Variants in MAD1L1 observed in about 807,000 individuals in gnomAD.
The protein encoded by MAD1L1 is mitotic spindle assembly checkpoint protein MAD1.
A neutral mutation model predicts 96.9 loss-of-function variants in MAD1L1; 95 were observed. That is an observed-to-expected ratio of 0.98 (90% CI 0.83 to 1.16). The LOEUF is 1.16. MAD1L1 is among the 50% of genes most tolerant of loss of function. The probability of loss-of-function intolerance (pLI) is 0.00; values close to 1 mark genes in which losing one functional copy is unlikely to be tolerated. For missense variants in MAD1L1, 1,007 were observed against 954.4 expected, an observed-to-expected ratio of 1.06 and a Z score of -0.73; for synonymous variants, 473 against 396.6, an observed-to-expected ratio of 1.19 and a Z score of -2.29.
At chr7:1,918,690 C>G (rs1432360419) in intron 17 of MAD1L1, among the ~76,000 whole-genome samples, 2 of 152,246 alleles carry the variant, frequency 1.3e-5, no homozygotes, top group African/African-American at 4.8e-5. Context: ...AACACCAACA[C>G]CAAAGAACAG....
At chr7:1,882,504 G>A (rs560548435) in intron 18 of MAD1L1, among the ~76,000 whole-genome samples, 16 of 152,336 alleles carry the variant, frequency 1.1e-4, no homozygotes, top group South Asian at 1.0e-3. Context: ...CGCGCGGGCC[G>A]TGTTTGACGT....
At chr7:1,919,253 G>A (rs1268436774) in intron 17 of MAD1L1, among the ~76,000 whole-genome samples, 1 of 152,250 alleles carries the variant, frequency 6.6e-6, no homozygotes, top group African/African-American at 2.4e-5. Context: ...ACGACGTGGA[G>A]CAGGACCTCC....
intron 11 of MAD1L1, among the ~76,000 whole-genome samples, chr7:2,120,580 T>G (rs1787929199): frequency 6.6e-6 from 1 of 152,132 alleles, no homozygotes; most frequent in South Asian, 2.1e-4. Flanking sequence ...CCCCCACGGG[T>G]CTGACTCTTG....
intron 3 of MAD1L1, among the ~76,000 whole-genome samples, chr7:2,227,115 G>A (rs1793942455): frequency 1.3e-5 from 2 of 152,060 alleles, no homozygotes. Flanking sequence ...CCAACATGGT[G>A]AAACCCTGTC....
intron 18 of MAD1L1, among the ~76,000 whole-genome samples, chr7:1,843,000 T>G (rs1346941371): frequency 6.6e-6 from 1 of 152,250 alleles, no homozygotes. Flanking sequence ...CTGCTGGTAC[T>G]GAAATGGCAT....
At chr7:2,215,145 G>A (rs1262828000) in intron 9 of MAD1L1, among the ~76,000 whole-genome samples, 1 of 152,184 alleles carries the variant, frequency 6.6e-6, no homozygotes, top group Non-Finnish European at 1.5e-5. Flanking sequence ...TTGGGAGGCT[G>A]AGGAGGGTGG....
At chr7:2,170,169 G>A (rs1391857125) in intron 10 of MAD1L1, among the ~76,000 whole-genome samples, 1 of 152,160 alleles carries the variant, frequency 6.6e-6, no homozygotes, top group Non-Finnish European at 1.5e-5. Context: ...GGCTTTGGCA[G>A]CCACGTGAAG....
At chr7:2,185,823 A>C (rs1024600759) in intron 10 of MAD1L1, among the ~76,000 whole-genome samples, 2 of 152,180 alleles carry the variant, frequency 1.3e-5, no homozygotes, top group East Asian at 3.8e-4. Context: ...TTGTCATCTA[A>C]GCCACCGGAC....
intron 11 of MAD1L1, among the ~76,000 whole-genome samples, chr7:2,123,441 G>A (rs1263171027): frequency 2.6e-5 from 4 of 152,172 alleles, no homozygotes; most frequent in East Asian, 1.9e-4. Context: ...GAGAGAGGGC[G>A]CTGGTGAGGC....
chr7:2,216,341 G>A, intron 7 of MAD1L1, 54 bp from the exon 8 acceptor site: 1 of 1,576,376 alleles, frequency 6.3e-7, no homozygotes, highest in Non-Finnish European at 8.6e-7. Flanking sequence ...GAAGAGACCT[G>A]GAGAAAATCA....
chr7:1,891,862 C>T (rs1786560000), intron 18 of MAD1L1, among the ~76,000 whole-genome samples: 1 of 152,196 alleles, frequency 6.6e-6, no homozygotes, highest in Admixed American at 6.5e-5. Context: ...ATTATAGGCA[C>T]AGGCCACTGT....
intron 11 of MAD1L1, among the ~76,000 whole-genome samples, chr7:2,116,575 G>A (rs867752055): frequency 5.3e-5 from 8 of 151,356 alleles, no homozygotes; most frequent in South Asian, 4.2e-4. Flanking sequence ...GTTGGGGGGG[G>A]GGGGGGCTCC....
chr7:2,009,166 C>T (rs921259006), intron 13 of MAD1L1, among the ~76,000 whole-genome samples: 4 of 152,024 alleles, frequency 2.6e-5, no homozygotes, highest in Non-Finnish European at 5.9e-5. Context: ...CGGGCCCTGG[C>T]GCCCTTGGCA....
In MAD1L1 at chr7:1,985,922, G is replaced by C. The variant is rs117376255; in HGVS notation, c.1417-5381C>G. ...AGACTCTACCGCCTCGTTAACTTTT[G>C]TTTCTTGGCAAAATGTCTGGATAGA... On this transcript the variant is annotated intron_variant, in intron 14 of 18. Coordinates refer to ENST00000265854, the MANE Select transcript of MAD1L1 (RefSeq NM_001013836.2). Among the ~76,000 whole-genome samples the C allele has an allele frequency of 5.9e-3, 893 of 152,232 alleles. 9 individuals carry two copies. Among genetic ancestry groups the C allele is most frequent in the Non-Finnish European group, 7.9e-3 (539 of 68,036 alleles).
intron 18 of MAD1L1, chr7:1,848,457 C>G (rs528231071): frequency 6.6e-6 from 1 of 152,450 alleles, no homozygotes; most frequent in Non-Finnish European, 1.5e-5. Context: ...CCAAGCTTGC[C>G]GCCTCCTCGG....
intron 17 of MAD1L1, among the ~76,000 whole-genome samples, chr7:1,920,264 G>A (rs1355691036): frequency 4.6e-5 from 7 of 152,228 alleles, no homozygotes; most frequent in South Asian, 2.1e-4. Flanking sequence ...GTGCATGTGC[G>A]TGTGTACACA....
chr7:1,942,503 C>T (rs1027579302), intron 16 of MAD1L1, among the ~76,000 whole-genome samples: 4 of 152,160 alleles, frequency 2.6e-5, no homozygotes, highest in African/African-American at 9.7e-5. Flanking sequence ...GTGCTGAGGC[C>T]CGTCTCCAGG....
chr7:2,083,746 C>T (rs937262170), intron 11 of MAD1L1, among the ~76,000 whole-genome samples: 1 of 152,258 alleles, frequency 6.6e-6, no homozygotes, highest in African/African-American at 2.4e-5. Flanking sequence ...CCAACATTTC[C>T]TCCTCCCAGT....
intron 18 of MAD1L1, among the ~76,000 whole-genome samples, chr7:1,880,720 G>A (rs34040190): frequency 0.15 from 22,679 of 152,254 alleles, 2,121 homozygotes; most frequent in South Asian, 0.27. Flanking sequence ...GAAAGCACCC[G>A]GCCCCTGAGG....
Sources: gnomAD v4.1 joint callset for allele counts (sites outside exome capture counted in the v4.1 genomes callset) on GRCh38, gnomAD v4.1.1 for gene constraint, MANE v1.5 for transcripts, NCBI Gene and HGNC (gene_info 2026-07-23, HGNC 2026-07-21) for gene names.